Variants in DOCK3 observed in about 807,000 individuals in gnomAD.
The protein encoded by DOCK3 is dedicator of cytokinesis protein 3.
In DOCK3, 60 loss-of-function variants were observed where a neutral mutation model predicts 265.6. That is an observed-to-expected ratio of 0.23 (90% CI 0.18 to 0.28). The LOEUF is 0.28. Among genes scored for constraint, DOCK3 ranks in the 10% least tolerant of loss-of-function variants. The pLI is 1.00. For synonymous variants in DOCK3, 881 were observed against 938.0 expected (o/e 0.94, Z 1.11); for missense variants, 1,981 against 2,594.3 (o/e 0.76, Z 5.14).
intron 21 of DOCK3, among the ~76,000 whole-genome samples, chr3:51,244,595 G>T (rs528713118): frequency 2.4e-4 from 37 of 152,074 alleles, no homozygotes; most frequent in Middle Eastern, 3.4e-3. Flanking sequence ...ATTCTTTAGG[G>T]TTTTCTACAT....
At chr3:50,751,305 G>A (rs1218708560) in intron 1 of DOCK3, among the ~76,000 whole-genome samples, 1 of 151,292 alleles carries the variant, frequency 6.6e-6, no homozygotes, top group Admixed American at 6.6e-5. Flanking sequence ...TGCAGAACAT[G>A]CAGGCTTGTT....
intron 5 of DOCK3, among the ~76,000 whole-genome samples, chr3:50,987,418 G>A (rs1335339887): frequency 2.0e-5 from 3 of 152,128 alleles, no homozygotes; most frequent in Non-Finnish European, 2.9e-5. Context: ...TCTTATGAGC[G>A]AGATGTAATT....
At position 51,280,116 on chromosome 3, in the gene DOCK3, T is replaced by C; in HGVS notation, c.2834T>C (p.Val945Ala). The part of the protein sequence containing the change: ...QCTAEITGEY[V>A]SCLLSLLRQM... ...TGGGTTGGTCCCTAGGGCGAGTATG[T>C]GTCCTGCCTTCTCTCACTGCTCCGC... Residue 945 changes from valine (V) to alanine (A), a missense_variant, in exon 27 of 53, where the codon GTG becomes GCG. Physicochemically the swap from Val to Ala is moderately conservative, Grantham distance 64. Transcript: ENST00000266037. 6.2e-7 allele frequency: 1 copy of C among 1,613,732 alleles called. No individual in the cohort carries two copies. Among genetic ancestry groups the C allele is most frequent in the Non-Finnish European group, 8.5e-7 (1 of 1,179,774 alleles).
chr3:51,191,033 G>A (rs938132681), intron 12 of DOCK3, among the ~76,000 whole-genome samples: 5 of 152,198 alleles, frequency 3.3e-5, no homozygotes, highest in African/African-American at 9.6e-5. Flanking sequence ...CTCTTACATA[G>A]TTGGCAAGGC....
chr3:51,212,288 C>CT (rs1322230650), intron 13 of DOCK3, among the ~76,000 whole-genome samples: 2 of 152,200 alleles, frequency 1.3e-5, no homozygotes, highest in Non-Finnish European at 2.9e-5. Context: ...AACTGTGACA[C>CT]TATCAGCACC....
In DOCK3 at chr3:51,374,811, T is replaced by C. The variant is rs1173925721; in HGVS notation, c.5412+224T>C. Among the ~76,000 whole-genome samples, 4 of 152,322 alleles carry C rather than the reference T, an allele frequency of 2.6e-5. No homozygotes were observed. Among genetic ancestry groups the C allele is most frequent in the East Asian group, 3.9e-4 (2 of 5,182 alleles). ...AGTAGAATGGTGGCAGGAACCACCATTGGAACCAGCATTGCTCATGTAGCT... is the reference window on the plus strand; with the variant it reads ...AGTAGAATGGTGGCAGGAACCACCACTGGAACCAGCATTGCTCATGTAGCT... On this transcript the variant is annotated intron_variant, in intron 50 of 52. Coordinates refer to ENST00000266037, the MANE Select transcript of DOCK3 (RefSeq NM_004947.5). The surrounding 1 kb of genome is among the most constrained non-coding windows in gnomAD (Gnocchi z 4.8).
At chr3:50,690,711 C>T (rs966908170) in intron 1 of DOCK3, among the ~76,000 whole-genome samples, 8 of 151,380 alleles carry the variant, frequency 5.3e-5, no homozygotes, top group Non-Finnish European at 1.0e-4. Context: ...GGTGTGATCT[C>T]GGCTCACTGC....
At chr3:50,937,516 G>A (rs1400342208) in intron 5 of DOCK3, among the ~76,000 whole-genome samples, 3 of 151,916 alleles carry the variant, frequency 2.0e-5, no homozygotes, top group Admixed American at 6.6e-5. Flanking sequence ...TTAGCCGGGC[G>A]TGGTGGTGGG....
At chr3:51,277,213 G>A (rs2080863073) in intron 25 of DOCK3, among the ~76,000 whole-genome samples, 1 of 152,204 alleles carries the variant, frequency 6.6e-6, no homozygotes, top group Admixed American at 6.5e-5. Flanking sequence ...GTGTGAATTT[G>A]TCACCATTTC....
intron 1 of DOCK3, among the ~76,000 whole-genome samples, chr3:50,683,554 C>T (rs534249034): frequency 3.0e-4 from 45 of 152,120 alleles, no homozygotes; most frequent in Middle Eastern, 3.2e-3. Flanking sequence ...TATGATAGTG[C>T]CAGCCGTACC....
intron 9 of DOCK3, among the ~76,000 whole-genome samples, chr3:51,099,067 T>C (rs984517400): frequency 1.3e-5 from 2 of 152,252 alleles, no homozygotes; most frequent in Non-Finnish European, 2.9e-5. Flanking sequence ...AAGTTTTTCA[T>C]CAGTATATTT....
Position 50,682,977 on chromosome 3 carries a change from G to A in DOCK3, c.37+7677G>A, listed in dbSNP as rs562211575. On this transcript the variant is annotated intron_variant, in intron 1 of 52. Coordinates refer to ENST00000266037, the MANE Select transcript of DOCK3 (RefSeq NM_004947.5). ...TGGGATTACAGGCGTGAGCCACCGC[G>A]CCTGGTCTATCTTTGCATTCTTGGC... Among the ~76,000 whole-genome samples, 12 of 152,348 alleles carry A rather than the reference G, an allele frequency of 7.9e-5. No individual in the cohort carries two copies. The South Asian group carries it at 2.1e-3, about 26-fold the overall frequency.
intron 1 of DOCK3, among the ~76,000 whole-genome samples, chr3:50,683,109 T>C (rs1234482445): frequency 6.6e-6 from 1 of 152,252 alleles, no homozygotes; most frequent in African/African-American, 2.4e-5. Flanking sequence ...TGGAGACTTC[T>C]GAGGTGCCAT....
chr3:51,333,448 G>A (rs2084662266), intron 35 of DOCK3, among the ~76,000 whole-genome samples, 195 bp downstream of exon 35: 1 of 152,116 alleles, frequency 6.6e-6, no homozygotes, highest in African/African-American at 2.4e-5. Context: ...GGTAGGCTAG[G>A]GCCTCCTGGG....
At position 50,970,986 on chromosome 3, in the gene DOCK3, T is replaced by TTA. The variant is rs1271496203; in HGVS notation, c.315+36909_315+36910insTA. Among the ~76,000 whole-genome samples the TTA allele has an allele frequency of 7.8e-3, 713 of 91,724 alleles. 17 individuals carry two copies. Among genetic ancestry groups the TTA allele is most frequent in the Admixed American group, 0.014 (91 of 6,408 alleles). 60.2% of individuals were successfully genotyped at this position (91,724 alleles called of 152,430 possible). A position where few individuals can be genotyped will look rare whatever the true frequency, so the allele number is the denominator to read the frequency against. ...TGTGTGTATATATATATATTTTTTTTATTTTAATTTTTAATTTTTTTTTTT... is the reference window on the plus strand; with the variant it reads ...TGTGTGTATATATATATATTTTTTTTTAATTTTAATTTTTAATTTTTTTTTTT... On this transcript the variant is annotated intron_variant, in intron 5 of 52. Transcript: ENST00000266037.
chr3:51,034,829 T>G (rs2080195567), intron 5 of DOCK3, among the ~76,000 whole-genome samples: 1 of 152,032 alleles, frequency 6.6e-6, no homozygotes, highest in South Asian at 2.1e-4. Context: ...TCACTTTCAT[T>G]TCTTTAACAG....
intron 1 of DOCK3, among the ~76,000 whole-genome samples, chr3:50,709,265 C>T (rs945723694): frequency 3.3e-5 from 5 of 152,070 alleles, no homozygotes; most frequent in Non-Finnish European, 5.9e-5. Context: ...TTACTGAACT[C>T]GTTTATTAAT....
chr3:51,046,685 T>C (rs961385274), intron 5 of DOCK3, among the ~76,000 whole-genome samples: 2 of 151,992 alleles, frequency 1.3e-5, no homozygotes, highest in African/African-American at 4.8e-5. Context: ...AGACAGAAAA[T>C]CAATGAGACA....
chr3:50,852,349 T>C (rs965892447), intron 3 of DOCK3, among the ~76,000 whole-genome samples: 15 of 152,218 alleles, frequency 9.9e-5, no homozygotes, highest in Non-Finnish European at 2.2e-4. Flanking sequence ...AGTCCTTCTT[T>C]CAATATATGT....
Sources: allele counts gnomAD v4.1 joint callset (sites outside exome capture counted in the v4.1 genomes callset), GRCh38; gene constraint gnomAD v4.1.1; non-coding constraint Gnocchi (gnomAD v3.1); transcripts MANE v1.5; gene names NCBI Gene and HGNC (gene_info 2026-07-23, HGNC 2026-07-21).